The following RPS6KC1 variants were observed in gnomAD, a reference collection of about 807,000 sequenced individuals.
RPS6KC1 encodes the protein ribosomal protein S6 kinase C1, also known as inactive ribosomal protein S6 kinase delta-1.
A neutral mutation model predicts 103.8 loss-of-function variants in RPS6KC1; 54 were observed. The ratio of observed to expected loss-of-function variants is 0.52; its 90% CI spans 0.42 to 0.65. The LOEUF is 0.65. Among genes scored for constraint, RPS6KC1 ranks in the 30% least tolerant of loss-of-function variants. RPS6KC1 has a pLI of 0.00. For synonymous variants in RPS6KC1, 439 were observed against 438.7 expected, an observed-to-expected ratio of 1.00 and a Z score of -0.01; for missense variants, 1,151 against 1,253.8, an observed-to-expected ratio of 0.92 and a Z score of 1.24.
the RPS6KC1 span, among the ~76,000 whole-genome samples, chr1:213,855,497 T>C: frequency 6.6e-6 from 1 of 152,196 alleles, no homozygotes; most frequent in African/African-American, 2.4e-5. Context: ...CTCTTCCCTC[T>C]CCACTGGAAC....
chr1:213,737,698 G>C, the RPS6KC1 span, among the ~76,000 whole-genome samples: 34 of 152,186 alleles, frequency 2.2e-4, no homozygotes, highest in Middle Eastern at 3.2e-3. Flanking sequence ...CATAAGGGAA[G>C]GTGGTCCAAT....
the RPS6KC1 span, among the ~76,000 whole-genome samples, chr1:213,360,881 T>C: frequency 6.6e-6 from 1 of 152,226 alleles, no homozygotes; most frequent in East Asian, 1.9e-4. Context: ...CGAATATTGC[T>C]GAACAGCAAA....
At chr1:213,071,259 A>G (rs980921560) in intron 2 of RPS6KC1, among the ~76,000 whole-genome samples, 4 of 152,080 alleles carry the variant, frequency 2.6e-5, no homozygotes, top group African/African-American at 7.2e-5. Flanking sequence ...CCTCCCGAGT[A>G]GCTGGAATTA....
At chr1:213,272,359 AATGGTATTAGAC>A (rs747932158) in intron 14 of RPS6KC1, among the ~76,000 whole-genome samples, 153 bp from the exon 15 acceptor site, 1 of 152,258 alleles carries the variant, frequency 6.6e-6, no homozygotes, top group Non-Finnish European at 1.5e-5. Flanking sequence ...CCACAGCTAG[AATGGTATTAGAC>A]ATAGCTCCCT....
the RPS6KC1 span, chr1:213,821,881 A>T: frequency 1.3e-5 from 2 of 152,306 alleles, no homozygotes; most frequent in Non-Finnish European, 2.9e-5. Flanking sequence ...GAGTTGGCAG[A>T]AATGGAGGTT....
chr1:213,540,353 T>C, the RPS6KC1 span, among the ~76,000 whole-genome samples: 1 of 152,146 alleles, frequency 6.6e-6, no homozygotes, highest in African/African-American at 2.4e-5. Context: ...ATTGATTGAT[T>C]GATTGATTGA....
the RPS6KC1 span, among the ~76,000 whole-genome samples, chr1:213,725,089 C>G: frequency 6.6e-6 from 1 of 152,208 alleles, no homozygotes; most frequent in East Asian, 1.9e-4. Context: ...AAGCTGCCAG[C>G]TTAACGTCTT....
At chr1:213,156,117 G>A (rs1217606482) in intron 6 of RPS6KC1, among the ~76,000 whole-genome samples, 1 of 152,138 alleles carries the variant, frequency 6.6e-6, no homozygotes, top group Non-Finnish European at 1.5e-5. Context: ...AAGTGTTGTT[G>A]TAACTTTGTT....
At chr1:213,847,975 A>C in the RPS6KC1 span, among the ~76,000 whole-genome samples, 1 of 152,054 alleles carries the variant, frequency 6.6e-6, no homozygotes, top group Non-Finnish European at 1.5e-5. Flanking sequence ...ACACACACAC[A>C]TACACACACA....
chr1:213,581,434 T>G, the RPS6KC1 span, among the ~76,000 whole-genome samples: 2 of 152,054 alleles, frequency 1.3e-5, no homozygotes, highest in African/African-American at 2.4e-5. Flanking sequence ...AAATGAGACA[T>G]GATGTTTCAG....
the RPS6KC1 span, among the ~76,000 whole-genome samples, chr1:213,638,382 T>G: frequency 7.9e-5 from 12 of 152,106 alleles, no homozygotes; most frequent in Non-Finnish European, 2.9e-5. Context: ...AATCTTTCAG[T>G]TTTTCTTTTA....
chr1:213,675,717 A>T, the RPS6KC1 span, among the ~76,000 whole-genome samples: 6 of 152,062 alleles, frequency 3.9e-5, no homozygotes, highest in African/African-American at 1.4e-4. Context: ...TCTCTACTAA[A>T]AATGCAAAAA....
the RPS6KC1 span, among the ~76,000 whole-genome samples, chr1:213,845,688 T>TA: frequency 6.6e-6 from 1 of 152,172 alleles, no homozygotes; most frequent in Non-Finnish European, 1.5e-5. Flanking sequence ...GTAATACACC[T>TA]ACAAGAGTTT....
At chr1:213,074,702 C>T (rs2079152117) in intron 2 of RPS6KC1, among the ~76,000 whole-genome samples, 1 of 151,920 alleles carries the variant, frequency 6.6e-6, no homozygotes, top group South Asian at 2.1e-4. Context: ...AGATTCTCAC[C>T]TGGGGGGTTC....
At chr1:213,106,334 C>A (rs2082494188) in intron 4 of RPS6KC1, among the ~76,000 whole-genome samples, 1 of 152,094 alleles carries the variant, frequency 6.6e-6, no homozygotes, top group South Asian at 2.1e-4. Context: ...GGAAGGTAGT[C>A]CAGGACTGGT....
At chr1:213,652,129 CTT>C in the RPS6KC1 span, among the ~76,000 whole-genome samples, 10 of 152,166 alleles carry the variant, frequency 6.6e-5, no homozygotes, top group East Asian at 1.3e-3. Flanking sequence ...TAATTAATAT[CTT>C]TTTGTGTAAT....
the RPS6KC1 span, among the ~76,000 whole-genome samples, chr1:213,365,445 T>G: frequency 6.6e-6 from 1 of 152,240 alleles, no homozygotes; most frequent in Non-Finnish European, 1.5e-5. Flanking sequence ...TCCATAACTA[T>G]GCTGTAGTGC....
At chr1:213,455,248 T>G in the RPS6KC1 span, among the ~76,000 whole-genome samples, 6 of 152,180 alleles carry the variant, frequency 3.9e-5, no homozygotes, top group Admixed American at 2.0e-4. Context: ...TGTTGGTGAT[T>G]CCAATGAGGA....
chr1:213,501,528 T>C, the RPS6KC1 span, among the ~76,000 whole-genome samples: 1 of 152,024 alleles, frequency 6.6e-6, no homozygotes, highest in African/African-American at 2.4e-5. Context: ...AGTAGTCTTA[T>C]AAAGAAAAAA....
Sources: gnomAD v4.1 joint callset for allele counts (sites outside exome capture counted in the v4.1 genomes callset) on GRCh38, gnomAD v4.1.1 for gene constraint, MANE v1.5 for transcripts, NCBI Gene and HGNC (gene_info 2026-07-23, HGNC 2026-07-21) for gene names.